Variants in DRC11 observed in about 807,000 individuals in gnomAD.
The protein encoded by DRC11 is dynein regulatory complex subunit 11.
At chr2:236,373,182 A>G in the DRC11 span, among the ~76,000 whole-genome samples, 24 of 149,838 alleles carry the variant, frequency 1.6e-4, no homozygotes, top group Non-Finnish European at 3.0e-4. Context: ...GAGATTTGTC[A>G]CCTCATTTCT....
chr2:236,484,000 C>A, the DRC11 span, among the ~76,000 whole-genome samples: 1 of 152,154 alleles, frequency 6.6e-6, no homozygotes, highest in South Asian at 2.1e-4. The surrounding 1 kb of genome is among the most constrained non-coding windows in gnomAD (Gnocchi z 4.8). Context: ...GTGGTGACCA[C>A]TTTATTTATT....
At chr2:236,344,953 G>A in the DRC11 span, among the ~76,000 whole-genome samples, 2 of 136,622 alleles carry the variant, frequency 1.5e-5, no homozygotes, top group African/African-American at 2.8e-5. Flanking sequence ...TTGTAAATGT[G>A]CTTCCCTCTG....
At chr2:236,338,665 G>T in the DRC11 span, among the ~76,000 whole-genome samples, 1 of 152,280 alleles carries the variant, frequency 6.6e-6, no homozygotes, top group East Asian at 1.9e-4. Flanking sequence ...GGAAGTGGTG[G>T]CTGATTTACA....
At chr2:236,354,175 G>A in the DRC11 span, among the ~76,000 whole-genome samples, 5 of 122,678 alleles carry the variant, frequency 4.1e-5, no homozygotes, top group African/African-American at 1.0e-4. Flanking sequence ...GGGGACATGC[G>A]TGTATGTCTG....
the DRC11 span, among the ~76,000 whole-genome samples, chr2:236,496,225 A>G: frequency 0.12 from 18,364 of 152,152 alleles, 2,693 homozygotes; most frequent in African/African-American, 0.34. The surrounding 1 kb of genome is among the most constrained non-coding windows in gnomAD (Gnocchi z 6.3). Flanking sequence ...TAGAATAATC[A>G]TCAACATTTT....
chr2:236,369,949 GCGGCTGCACGA>G, the DRC11 span, among the ~76,000 whole-genome samples: 3 of 152,226 alleles, frequency 2.0e-5, no homozygotes, highest in Non-Finnish European at 4.4e-5. The surrounding 1 kb of genome is among the most constrained non-coding windows in gnomAD (Gnocchi z 4.5). Context: ...AAACCAAACA[GCGGCTGCACGA>G]CAGGTGGAAT....
At chr2:236,331,093 T>C in the DRC11 span, among the ~76,000 whole-genome samples, 2 of 152,218 alleles carry the variant, frequency 1.3e-5, no homozygotes, top group Admixed American at 6.5e-5. The surrounding 1 kb of genome is among the most constrained non-coding windows in gnomAD (Gnocchi z 4.8). Context: ...TATGTGTCTA[T>C]GTGAATCCAA....
the DRC11 span, among the ~76,000 whole-genome samples, chr2:236,423,249 T>C: frequency 0.2 from 29,965 of 150,906 alleles, 3,050 homozygotes; most frequent in Middle Eastern, 0.28. Flanking sequence ...GAAACTACCA[T>C]CAGAGTGAAC....
chr2:236,318,115 C>T, the DRC11 span, among the ~76,000 whole-genome samples: 2 of 151,898 alleles, frequency 1.3e-5, no homozygotes, highest in African/African-American at 2.4e-5. The surrounding 1 kb of genome is among the most constrained non-coding windows in gnomAD (Gnocchi z 7.0). Context: ...GTGCAGCAGT[C>T]CCGCCCCACC....
At chr2:236,419,634 T>A in the DRC11 span, among the ~76,000 whole-genome samples, 1 of 152,142 alleles carries the variant, frequency 6.6e-6, no homozygotes, top group Non-Finnish European at 1.5e-5. This position sits in a 1 kb window ranked among gnomAD's most constrained non-coding sequence, Gnocchi z 4.8. Flanking sequence ...TGCCCACAGC[T>A]CGTCAAAATC....
the DRC11 span, among the ~76,000 whole-genome samples, chr2:236,439,454 T>TAA: frequency 6.6e-6 from 1 of 152,344 alleles, no homozygotes; most frequent in Admixed American, 6.5e-5. Flanking sequence ...CATAGAATAA[T>TAA]AAAAAGATAG....
the DRC11 span, chr2:236,363,737 G>C: frequency 9.9e-6 from 14 of 1,411,452 alleles, no homozygotes; most frequent in Non-Finnish European, 1.4e-5. The surrounding 1 kb of genome is among the most constrained non-coding windows in gnomAD (Gnocchi z 5.6). Context: ...AATGTAATTT[G>C]AAAGAGGGAG....
At chr2:236,338,862 G>A in the DRC11 span, among the ~76,000 whole-genome samples, 1 of 152,204 alleles carries the variant, frequency 6.6e-6, no homozygotes, top group Admixed American at 6.5e-5. Context: ...TGAAGCAGTT[G>A]GGAAATAGTT....
At chr2:236,482,439 T>G in the DRC11 span, among the ~76,000 whole-genome samples, 1,500 of 152,306 alleles carry the variant, frequency 9.8e-3, 34 homozygotes, top group African/African-American at 0.034. The surrounding 1 kb of genome is among the most constrained non-coding windows in gnomAD (Gnocchi z 4.5). Flanking sequence ...TATAAATATC[T>G]TAACTATCCT....
the DRC11 span, chr2:236,493,624 ACTT>A: frequency 1.8e-6 from 1 of 564,120 alleles, no homozygotes; most frequent in Admixed American, 3.9e-5. Context: ...AAGTTATGCA[ACTT>A]CTTATGTACT....
At chr2:236,383,705 G>A in the DRC11 span, among the ~76,000 whole-genome samples, 1 of 146,360 alleles carries the variant, frequency 6.8e-6, no homozygotes, top group African/African-American at 2.5e-5. Context: ...GGGTACATGT[G>A]CACATTGTGC....
At chr2:236,453,841 C>T in the DRC11 span, among the ~76,000 whole-genome samples, 1 of 152,074 alleles carries the variant, frequency 6.6e-6, no homozygotes. This position sits in a 1 kb window ranked among gnomAD's most constrained non-coding sequence, Gnocchi z 4.9. Context: ...GGGGTTTCAT[C>T]ATGTTGGCCA....
chr2:236,416,741 ATATATATATATATATATATATATAT>A, the DRC11 span, among the ~76,000 whole-genome samples: 502 of 55,978 alleles, frequency 9.0e-3, 17 homozygotes, highest in East Asian at 0.084. Context: ...ATATATATAT[ATATATATATATATATATATATATAT>A]ATAAATAATT....
chr2:236,406,195 CT>C, the DRC11 span, among the ~76,000 whole-genome samples: 1 of 152,184 alleles, frequency 6.6e-6, no homozygotes, highest in Non-Finnish European at 1.5e-5. This position sits in a 1 kb window ranked among gnomAD's most constrained non-coding sequence, Gnocchi z 4.7. Context: ...CCAGAAGAGG[CT>C]TTGTTATCAA....
Sources: gnomAD v4.1 joint callset for allele counts (sites outside exome capture counted in the v4.1 genomes callset) on GRCh38, gnomAD v4.1.1 for gene constraint, Gnocchi (gnomAD v3.1) non-coding constraint, MANE v1.5 for transcripts, NCBI Gene and HGNC (gene_info 2026-07-23, HGNC 2026-07-21) for gene names.